The following HLCS variants were observed in gnomAD, a reference collection of about 807,000 sequenced individuals.
HLCS encodes the protein holocarboxylase synthetase.
HLCS carries 53 observed loss-of-function variants against 75.0 expected under a neutral mutation model. The ratio of observed to expected loss-of-function variants is 0.71; its 90% CI spans 0.57 to 0.89. HLCS has a LOEUF of 0.89. Among genes scored for constraint, HLCS ranks in the 40% least tolerant of loss-of-function variants. The pLI is 0.00. For synonymous variants in HLCS, 431 were observed against 428.6 expected, an observed-to-expected ratio of 1.01 and a Z score of -0.07; for missense variants, 966 against 1,074.0, an observed-to-expected ratio of 0.90 and a Z score of 1.41.
intron 8 of HLCS, among the ~76,000 whole-genome samples, chr21:36,761,235 A>T (rs549481921): frequency 6.6e-6 from 1 of 152,340 alleles, no homozygotes; most frequent in Admixed American, 6.5e-5. Context: ...AAAGCCACGG[A>T]GCTAAAATTC....
chr21:36,828,006 G>C (rs111294666), intron 6 of HLCS, among the ~76,000 whole-genome samples: 1 of 151,800 alleles, frequency 6.6e-6, no homozygotes, highest in Non-Finnish European at 1.5e-5. Flanking sequence ...GTAGAGATGG[G>C]GTTTCACCGT....
At chr21:36,981,450 G>T (rs1446498806) in intron 1 of HLCS, among the ~76,000 whole-genome samples, 3 of 137,666 alleles carry the variant, frequency 2.2e-5, no homozygotes, top group Non-Finnish European at 4.5e-5. Context: ...ACCCAGCCTG[G>T]AGTGCAGTGG....
At chr21:36,905,379 GCA>G (rs2065407965) in intron 5 of HLCS, among the ~76,000 whole-genome samples, 1 of 152,138 alleles carries the variant, frequency 6.6e-6, no homozygotes, top group South Asian at 2.1e-4. Context: ...CAAAAATAAT[GCA>G]CAGTCTTTGA....
chr21:36,797,691 G>A (rs1180345498), intron 6 of HLCS, among the ~76,000 whole-genome samples: 1 of 152,222 alleles, frequency 6.6e-6, no homozygotes, highest in Non-Finnish European at 1.5e-5. Flanking sequence ...AGCCTGCTCA[G>A]CAGAAGAAAA....
intron 2 of HLCS, among the ~76,000 whole-genome samples, chr21:36,958,431 C>G (rs572750691): frequency 2.6e-5 from 4 of 152,270 alleles, no homozygotes; most frequent in East Asian, 3.9e-4. Context: ...TTAATTCGTT[C>G]TCTAGTTACT....
At chr21:36,967,099 G>C (rs1056634091), upstream of HLCS, among the ~76,000 whole-genome samples, 12 of 152,060 alleles carry the variant, frequency 7.9e-5, no homozygotes, top group African/African-American at 2.9e-4. Flanking sequence ...CCCTTCCTTG[G>C]AGGGGTGGGA....
At chr21:36,786,014 C>T (rs1280267156) in intron 6 of HLCS, among the ~76,000 whole-genome samples, 2 of 152,126 alleles carry the variant, frequency 1.3e-5, no homozygotes, top group African/African-American at 2.4e-5. Flanking sequence ...ACTACAGGCT[C>T]AGCATGGTGG....
chr21:36,771,750 GCA>G (rs1459093138), intron 6 of HLCS, among the ~76,000 whole-genome samples: 1 of 152,182 alleles, frequency 6.6e-6, no homozygotes, highest in Non-Finnish European at 1.5e-5. Flanking sequence ...TATAATCCCA[GCA>G]CTTTGGGAGG....
intron 5 of HLCS, among the ~76,000 whole-genome samples, chr21:36,904,609 AG>A (rs2065373788): frequency 6.6e-6 from 1 of 152,192 alleles, no homozygotes. Context: ...TAAGTACCAT[AG>A]GAAGCATTTA....
chr21:36,961,728 T>C lies in HLCS; in HGVS notation c.330+308A>G, dbSNP rs554756521. On this transcript the variant is annotated intron_variant, in intron 2 of 10. Coordinates refer to ENST00000674895, the MANE Select transcript of HLCS (RefSeq NM_001352514.2). ...CAGCACTTTGGGAGGCCGAGGCAGG[T>C]GGATCACTTGAGGTCAGGAGTTCAA... 4.5e-4 allele frequency among the ~76,000 whole-genome samples: 68 copies of C among 151,904 alleles called. No individual in the cohort carries two copies. In the East Asian group the frequency reaches 6.0e-3, roughly 13 times the overall value.
At chr21:36,799,103 T>A (rs1569026047) in intron 6 of HLCS, among the ~76,000 whole-genome samples, 1 of 152,230 alleles carries the variant, frequency 6.6e-6, no homozygotes. Flanking sequence ...CTTTCCCTAC[T>A]CCAATGTCAC....
intron 6 of HLCS, among the ~76,000 whole-genome samples, chr21:36,807,868 GTTATA>G (rs2061405996): frequency 6.6e-6 from 1 of 152,068 alleles, no homozygotes; most frequent in African/African-American, 2.4e-5. Context: ...TAACTGAATT[GTTATA>G]TTATGGGCAC....
upstream of HLCS, among the ~76,000 whole-genome samples, chr21:36,970,540 A>G (rs1466077765): frequency 6.6e-6 from 1 of 151,664 alleles, no homozygotes; most frequent in Non-Finnish European, 1.5e-5. Context: ...GCTAATTTTT[A>G]TATTTTTTTG....
chr21:36,925,819 T>C (rs1476085409), intron 5 of HLCS, among the ~76,000 whole-genome samples: 3 of 152,244 alleles, frequency 2.0e-5, no homozygotes, highest in Non-Finnish European at 2.9e-5. Context: ...ACAAGGCAGC[T>C]AGCTTCTCAA....
At chr21:36,778,120 C>T (rs2060417254) in intron 6 of HLCS, among the ~76,000 whole-genome samples, 1 of 152,034 alleles carries the variant, frequency 6.6e-6, no homozygotes, top group South Asian at 2.1e-4. Context: ...AGGCGCCCGC[C>T]ACCACGCCCG....
At chr21:36,885,889 A>G (rs1283916959) in intron 6 of HLCS, among the ~76,000 whole-genome samples, 1 of 152,182 alleles carries the variant, frequency 6.6e-6, no homozygotes, top group African/African-American at 2.4e-5. Flanking sequence ...ATAAGGAAAT[A>G]GAGGCATAAA....
chr21:36,855,329 G>A (rs533198006), intron 6 of HLCS, among the ~76,000 whole-genome samples: 7 of 151,676 alleles, frequency 4.6e-5, no homozygotes, highest in African/African-American at 1.7e-4. Context: ...TCAGGAGTTC[G>A]AGACCAGTCT....
intron 6 of HLCS, among the ~76,000 whole-genome samples, chr21:36,887,875 A>G (rs935710955): frequency 6.6e-6 from 1 of 152,244 alleles, no homozygotes; most frequent in African/African-American, 2.4e-5. Flanking sequence ...TTAAGAGTAC[A>G]CCAATAACAC....
intron 6 of HLCS, among the ~76,000 whole-genome samples, chr21:36,816,512 G>A (rs2061669907): frequency 6.6e-6 from 1 of 152,188 alleles, no homozygotes; most frequent in African/African-American, 2.4e-5. Context: ...CCTTGTCACT[G>A]TAGTTACTGT....
Sources: allele counts gnomAD v4.1 joint callset (sites outside exome capture counted in the v4.1 genomes callset), GRCh38; gene constraint gnomAD v4.1.1; transcripts MANE v1.5; gene names NCBI Gene and HGNC (gene_info 2026-07-23, HGNC 2026-07-21).